Variants in SPATA7 observed in about 807,000 individuals in gnomAD.
SPATA7 encodes spermatogenesis-associated protein 7.
In SPATA7, 43 loss-of-function variants were observed where a neutral mutation model predicts 51.8. The observed-to-expected ratio is 0.83, with a 90% CI of 0.65 to 1.07. The LOEUF is 1.07. Among genes scored for constraint, SPATA7 ranks in the 50% least tolerant of loss-of-function variants. The probability of loss-of-function intolerance (pLI) is 0.00; values close to 1 mark genes in which losing one functional copy is unlikely to be tolerated. For synonymous variants in SPATA7, 230 were observed against 252.8 expected (o/e 0.91, Z 0.86); for missense variants, 683 against 701.3 (o/e 0.97, Z 0.30).
In SPATA7 at chr14:88,438,044, A is replaced by T. The variant is rs1025267418; in HGVS notation, c.1422A>T (p.Leu474Phe). 5 of 1,614,020 alleles carry T rather than the reference A, an allele frequency of 3.1e-6. No homozygotes were observed. The highest frequency in any genetic ancestry group is 3.3e-5 in the Admixed American group (2 of 59,980). Residue 474 changes from leucine to phenylalanine, a missense_variant, in exon 12 of 12, where the codon TTA becomes TTT. Transcript: ENST00000393545. ...RQQYQKALDMLLSAPKDENEI... is the reference protein window; with the variant it reads ...RQQYQKALDMFLSAPKDENEI... ...AATACCAAAAGGCTTTGGATATGTT[A>T]TTGTCGGCACCAAAGGATGAGAACG...
At chr14:88,444,905 A>G (rs1350637197) in intron 3 of SPATA7, among the ~76,000 whole-genome samples, 1 of 152,196 alleles carries the variant, frequency 6.6e-6, no homozygotes, top group African/African-American at 2.4e-5. Flanking sequence ...GTATAGTATG[A>G]AGTCAGGTAG....
At chr14:88,442,400 G>A (rs527844090), downstream of SPATA7, among the ~76,000 whole-genome samples, 1 of 152,142 alleles carries the variant, frequency 6.6e-6, no homozygotes, top group South Asian at 2.1e-4. Flanking sequence ...AGTAGAGACG[G>A]GGTTTCACCA....
intron 7 of SPATA7, chr14:88,428,366 A>T (rs1316433084): frequency 6.6e-6 from 1 of 152,146 alleles, no homozygotes; most frequent in Non-Finnish European, 1.5e-5. Context: ...GAGATAGAAG[A>T]ATAAAATATA....
Position 88,389,210 on chromosome 14 carries a change from G to T in SPATA7, c.20-2171G>T, listed in dbSNP as rs960599354. Reference sequence around the variant, plus strand: ...TTATTTCTCCCCTCAATTCTGTTAGGTTTTTTTTTTTCCTTTCTCTTTCTT... The same window carrying T: ...TTATTTCTCCCCTCAATTCTGTTAGTTTTTTTTTTTTCCTTTCTCTTTCTT... On this transcript the variant is annotated intron_variant, in intron 1 of 11. Transcript: ENST00000393545. Among the ~76,000 whole-genome samples the T allele has an allele frequency of 2.4e-4, 35 of 147,088 alleles. 1 individual carries two copies. The highest frequency in any genetic ancestry group is 1.8e-3 in the Admixed American group (27 of 14,806).
At chr14:88,423,286 C>A (rs945714494) in intron 5 of SPATA7, among the ~76,000 whole-genome samples, 1 of 150,724 alleles carries the variant, frequency 6.6e-6, no homozygotes, top group Non-Finnish European at 1.5e-5. Context: ...ACCTGTGATC[C>A]CAACACTTTG....
At chr14:88,385,946 C>T (rs2075562335) in intron 1 of SPATA7, 109 bp downstream of exon 1, 6 of 1,537,926 alleles carry the variant, frequency 3.9e-6, no homozygotes, top group Non-Finnish European at 5.2e-6. Flanking sequence ...GGGGCGCTTC[C>T]TACCCCTGGC....
At chr14:88,420,551 T>G (rs1231047999) in intron 5 of SPATA7, among the ~76,000 whole-genome samples, 1 of 152,182 alleles carries the variant, frequency 6.6e-6, no homozygotes, top group African/African-American at 2.4e-5. Flanking sequence ...TAAGTTTGTT[T>G]TATTTTTATG....
chr14:88,429,584 T>C lies in SPATA7; in HGVS notation c.1028+121T>C, dbSNP rs73327456. 6,974 of 592,120 alleles carry C rather than the reference T, an allele frequency of 0.012. 384 individuals are homozygous for C. In the African/African-American group the frequency reaches 0.12, roughly 10 times the overall value. 36.7% of individuals were successfully genotyped at this position (592,120 alleles called of 1,614,324 possible). A position where few individuals can be genotyped will look rare whatever the true frequency, so the allele number is the denominator to read the frequency against. On this transcript the variant is annotated intron_variant, in intron 8 of 11. Transcript: ENST00000393545. ...CATGCTCCAATCTATTTTGGTGTTA[T>C]GTAATTCAATAACAGTTTTAGTTTT...
At chr14:88,468,002 T>G in intron 4 of SPATA7, 2 of 1,153,730 alleles carry the variant, frequency 1.7e-6, no homozygotes, top group Non-Finnish European at 2.5e-6. Context: ...GTGCCGCCAT[T>G]CAGACTGCGC....
In SPATA7 at chr14:88,393,580, T is replaced by TTA. The variant is rs1209536967; in HGVS notation, c.190+100_190+101dup. 6 of 920,766 alleles carry TTA rather than the reference T, an allele frequency of 6.5e-6. No individual in the cohort carries two copies. The African/African-American group carries it at 6.7e-5, about 10-fold the overall frequency. 57.0% of individuals were successfully genotyped at this position (920,766 alleles called of 1,614,324 possible). A position where few individuals can be genotyped will look rare whatever the true frequency, so the allele number is the denominator to read the frequency against. ...TATATCTATAGCAAAAATGAATACCTTATATATATGAGAGGATTTGTATTT... is the reference window on the plus strand; with the variant it reads ...TATATCTATAGCAAAAATGAATACCTTATATATATATGAGAGGATTTGTATTT... On this transcript the variant is annotated intron_variant, in intron 3 of 11. Transcript: ENST00000393545.
chr14:88,470,122 G>T, exon 5 of SPATA7: 1 of 1,465,650 alleles, frequency 6.8e-7, no homozygotes, highest in Non-Finnish European at 9.3e-7. Context: ...ATGCATTCAT[G>T]GTAGTACTAA....
chr14:88,413,234 A>G (rs1409159246), intron 4 of SPATA7, among the ~76,000 whole-genome samples: 4 of 152,026 alleles, frequency 2.6e-5, no homozygotes, highest in African/African-American at 7.2e-5. Flanking sequence ...TTTCAGCAGT[A>G]TTTTGTAATT....
At chr14:88,400,082 A>G (rs2076016096) in intron 4 of SPATA7, among the ~76,000 whole-genome samples, 1 of 152,234 alleles carries the variant, frequency 6.6e-6, no homozygotes, top group Non-Finnish European at 1.5e-5. Context: ...ATTAGGCCAT[A>G]AAATCAGACG....
intron 5 of SPATA7, among the ~76,000 whole-genome samples, chr14:88,418,532 T>C (rs915573011): frequency 2.6e-5 from 4 of 152,244 alleles, no homozygotes; most frequent in Non-Finnish European, 1.5e-5. Context: ...TGGCATGCAG[T>C]AGTGTGATCT....
At chr14:88,408,967 C>T (rs1001072792) in intron 4 of SPATA7, among the ~76,000 whole-genome samples, 1 of 152,106 alleles carries the variant, frequency 6.6e-6, no homozygotes, top group Non-Finnish European at 1.5e-5. Flanking sequence ...CCAACTTGAT[C>T]GTGGTGGATA....
chr14:88,393,197 G>T (rs936628674), intron 2 of SPATA7, among the ~76,000 whole-genome samples, 196 bp from the exon 3 acceptor site: 1 of 151,996 alleles, frequency 6.6e-6, no homozygotes, highest in Non-Finnish European at 1.5e-5. Flanking sequence ...TCTCAGGAAG[G>T]TTTGAACCCA....
At chr14:88,465,747 C>T (rs565149732) in intron 4 of SPATA7, 16 of 152,272 alleles carry the variant, frequency 1.1e-4, no homozygotes, top group Admixed American at 5.9e-4. Context: ...TTCTAGTTTG[C>T]TCTTGAAAAT....
rs780618807 is a variant in SPATA7, at chr14:88,438,243, A to G, written c.1621A>G (p.Ile541Val). The part of the protein sequence containing the change: ...LTDRETSVNV[I>V]EGDSDPEKVE... ...AGATCGGGAAACTTCTGTGAATGTCATTGAAGGTGATAGTGACCCTGAAAA... is the reference window on the plus strand; with the variant it reads ...AGATCGGGAAACTTCTGTGAATGTCGTTGAAGGTGATAGTGACCCTGAAAA... The change falls in exon 12 of 12, where the codon ATT (isoleucine) becomes GTT (valine). Residue 541 changes from isoleucine (I) to valine (V), a missense_variant. Physicochemically the swap from Ile to Val is conservative, Grantham distance 29. Transcript: ENST00000393545. 2 of 1,614,138 alleles carry G rather than the reference A, an allele frequency of 1.2e-6. No individual in the cohort carries two copies. Among genetic ancestry groups the G allele is most frequent in the Non-Finnish European group, 8.5e-7 (1 of 1,179,998 alleles).
At chr14:88,446,320 G>A (rs1315759414) in intron 3 of SPATA7, among the ~76,000 whole-genome samples, 254 of 142,352 alleles carry the variant, frequency 1.8e-3, no homozygotes, top group Admixed American at 4.0e-3. Context: ...CTGTGGGATC[G>A]GTGGTGATAT....
Sources: allele counts gnomAD v4.1 joint callset (sites outside exome capture counted in the v4.1 genomes callset), GRCh38; gene constraint gnomAD v4.1.1; transcripts MANE v1.5; gene names NCBI Gene and HGNC (gene_info 2026-07-23, HGNC 2026-07-21).